FBXO11: variants seen among roughly 807,000 people sequenced by gnomAD.
FBXO11 encodes the protein F-box protein 11, also known as F-box only protein 11.
In FBXO11, 13 loss-of-function variants were observed where a neutral mutation model predicts 117.0. The ratio of observed to expected loss-of-function variants is 0.11; its 90% CI spans 0.07 to 0.18. The LOEUF is 0.18. Ranked by LOEUF, FBXO11 falls within the 10% of genes least tolerant of loss-of-function variation. FBXO11 has a pLI of 1.00. For missense variants in FBXO11, 767 were observed against 1,164.4 expected (o/e 0.66, Z 4.97); for synonymous variants, 490 against 380.5 (o/e 1.29, Z -3.35).
rs1310745440 is a variant in FBXO11 at position 47,878,942 on chromosome 2, G to GC, written c.232+26546dup. ...TGTAGTGAGCTGAGATCACGCCACTGCACTCCAAGCGAAACTCTGTCTCAA... is the reference window on the plus strand; with the variant it reads ...TGTAGTGAGCTGAGATCACGCCACTGCCACTCCAAGCGAAACTCTGTCTCAA... On this transcript the variant is annotated intron_variant, in intron 1 of 22. Coordinates refer to ENST00000403359, the MANE Select transcript of FBXO11 (RefSeq NM_001190274.2). 2.6e-5 allele frequency among the ~76,000 whole-genome samples: 4 copies of GC among 151,846 alleles called. No homozygotes were observed. The East Asian group carries it at 7.8e-4, about 29-fold the overall frequency.
intron 14 of FBXO11, among the ~76,000 whole-genome samples, 152 bp downstream of exon 14, chr2:47,820,207 GAGA>G (rs1473679908): frequency 6.6e-6 from 1 of 152,158 alleles, no homozygotes; most frequent in African/African-American, 2.4e-5. Flanking sequence ...TACTGGCAGG[GAGA>G]AGAAGAACGT....
chr2:47,827,582 T>A (rs1252911704), intron 11 of FBXO11, among the ~76,000 whole-genome samples: 2 of 152,150 alleles, frequency 1.3e-5, no homozygotes, highest in African/African-American at 4.8e-5. Flanking sequence ...GCTGGGATTA[T>A]AGGCATGAGC....
chr2:47,815,221 T>G (rs1670925821), intron 16 of FBXO11, among the ~76,000 whole-genome samples: 1 of 152,242 alleles, frequency 6.6e-6, no homozygotes, highest in African/African-American at 2.4e-5. Context: ...CGCAGAAATG[T>G]GATTGGACAC....
At chr2:47,845,233 A>G (rs1278282898) in intron 1 of FBXO11, among the ~76,000 whole-genome samples, 1 of 151,838 alleles carries the variant, frequency 6.6e-6, no homozygotes, top group Non-Finnish European at 1.5e-5. Flanking sequence ...AGGTCCTAAC[A>G]GGAAAGAGAA....
intron 1 of FBXO11, among the ~76,000 whole-genome samples, chr2:47,850,531 T>C (rs2103641575): frequency 6.6e-6 from 1 of 152,328 alleles, no homozygotes; most frequent in South Asian, 2.1e-4. Flanking sequence ...ATTCAATTTT[T>C]GAGAGGCAGC....
chr2:47,864,113 G>A (rs990983795), intron 1 of FBXO11, among the ~76,000 whole-genome samples: 1 of 152,164 alleles, frequency 6.6e-6, no homozygotes, highest in Non-Finnish European at 1.5e-5. Context: ...ACAAAGGCAT[G>A]TGACTTCATT....
At chr2:47,891,518 T>A (rs113172947) in intron 1 of FBXO11, among the ~76,000 whole-genome samples, 1 of 152,244 alleles carries the variant, frequency 6.6e-6, no homozygotes, top group Non-Finnish European at 1.5e-5. Flanking sequence ...TCTTCATCTG[T>A]CAATGGACAT....
Position 47,808,079 on chromosome 2 carries a change from G to A in FBXO11, c.*39C>T. ...CTTCCAAAAAAGTGTTTTAAGTTAT[G>A]ATGTTACAATGGCAGGACTTTTTCT... On this transcript the variant is annotated 3_prime_UTR_variant, in exon 23 of 23. Transcript: ENST00000403359. 6.5e-7 allele frequency: 1 copy of A among 1,542,444 alleles called. No homozygotes were observed. The highest frequency in any genetic ancestry group is 8.8e-7 in the Non-Finnish European group (1 of 1,131,154).
intron 1 of FBXO11, chr2:47,905,207 A>C (rs1179894529): frequency 1.4e-5 from 3 of 216,424 alleles, no homozygotes; most frequent in Non-Finnish European, 2.7e-5. Context: ...CGAGCGGAGA[A>C]GCCAAAGGGA....
chr2:47,901,787 C>T (rs1678321082), intron 1 of FBXO11, among the ~76,000 whole-genome samples: 1 of 152,142 alleles, frequency 6.6e-6, no homozygotes, highest in Non-Finnish European at 1.5e-5. Context: ...AAAATACATT[C>T]CTGCAGTAAA....
intron 11 of FBXO11, among the ~76,000 whole-genome samples, chr2:47,824,543 T>A (rs191614527): frequency 0.02 from 2,972 of 152,306 alleles, 38 homozygotes; most frequent in Non-Finnish European, 0.03. Context: ...GCAATTTTTT[T>A]AAAAAGTTCA....
intron 4 of FBXO11, among the ~76,000 whole-genome samples, chr2:47,838,134 G>C (rs1294980711): frequency 2.0e-5 from 3 of 151,738 alleles, no homozygotes; most frequent in African/African-American, 7.3e-5. Flanking sequence ...TCAGGAGGCT[G>C]AGGTGGGAGA....
Position 47,905,515 on chromosome 2 carries a change from TGAGGCAGCGGCG to T in FBXO11, c.194_205del (p.Pro65_Pro68del). 1 of 1,233,904 alleles carries T rather than the reference TGAGGCAGCGGCG, an allele frequency of 8.1e-7. No individual in the cohort carries two copies. Among genetic ancestry groups the T allele is most frequent in the Non-Finnish European group, 1.0e-6 (1 of 990,782 alleles). 76.4% of individuals were successfully genotyped at this position (1,233,904 alleles called of 1,614,324 possible). On this transcript the variant is annotated inframe_deletion, in exon 1 of 23. Transcript: ENST00000403359. ...CCGCTCGCCGACGTTGTTCCGCTCC[TGAGGCAGCGGCG>T]GAGGCGGCGGTGGCGGCGGCGGAGG...
At chr2:47,860,843 ATTTTTTTTTTT>A (rs34675496) in intron 1 of FBXO11, among the ~76,000 whole-genome samples, 1 of 104,240 alleles carries the variant, frequency 9.6e-6, no homozygotes, top group African/African-American at 4.2e-5. Context: ...GTTTTCCCCT[ATTTTTTTTTTT>A]TTTTTTTTTG....
intron 1 of FBXO11, among the ~76,000 whole-genome samples, chr2:47,893,354 A>G (rs1271849469): frequency 9.1e-6 from 1 of 109,354 alleles, no homozygotes; most frequent in African/African-American, 3.2e-5. Flanking sequence ...GTGTATGTGC[A>G]TATATATATA....
At chr2:47,832,545 A>T in intron 10 of FBXO11, 27 bp downstream of exon 10, 1 of 1,607,624 alleles carries the variant, frequency 6.2e-7, no homozygotes, top group Non-Finnish European at 8.5e-7. Flanking sequence ...TCTAAAAAGA[A>T]AAAAACCACA....
intron 1 of FBXO11, among the ~76,000 whole-genome samples, chr2:47,877,338 G>C (rs1407248489): frequency 6.6e-6 from 1 of 151,960 alleles, no homozygotes; most frequent in Non-Finnish European, 1.5e-5. Context: ...TACACCTATA[G>C]ACTAAGGATT....
Position 47,808,025 on chromosome 2 carries a change from CTGTAGCATGGGCAAATATTTT to C in FBXO11, c.*72_*92del. ...TATCCATTTTTAATACAGTCTCTTC[CTGTAGCATGGGCAAATATTTT>C]AAATCTTCTTCCAAAAAAGTGTTTT... is the stretch of plus-strand genomic sequence containing the variant. On this transcript the variant is annotated 3_prime_UTR_variant, in exon 23 of 23. Coordinates refer to ENST00000403359, the MANE Select transcript of FBXO11 (RefSeq NM_001190274.2). The C allele has an allele frequency of 8.6e-7, 1 of 1,166,086 alleles. No homozygotes were observed. Among genetic ancestry groups the C allele is most frequent in the Non-Finnish European group, 1.2e-6 (1 of 816,890 alleles). The allele number at this position is 1,166,086 out of a possible 1,614,324, so 72.2% of individuals were successfully genotyped here.
At chr2:47,866,434 A>G (rs1042915336) in intron 1 of FBXO11, among the ~76,000 whole-genome samples, 3 of 152,020 alleles carry the variant, frequency 2.0e-5, no homozygotes, top group African/African-American at 7.2e-5. Flanking sequence ...TGCGTCCCAA[A>G]ATGATGTGTT....
Sources: allele counts gnomAD v4.1 joint callset (sites outside exome capture counted in the v4.1 genomes callset), GRCh38; gene constraint gnomAD v4.1.1; transcripts MANE v1.5; gene names NCBI Gene and HGNC (gene_info 2026-07-23, HGNC 2026-07-21).